KIAA0825: variants seen among roughly 807,000 people sequenced by gnomAD.
KIAA0825 encodes the protein uncharacterized protein KIAA0825.
Under a neutral mutation model 147.6 loss-of-function variants are expected in KIAA0825, and 119 were observed. That is an observed-to-expected ratio of 0.81 (90% CI 0.69 to 0.94). KIAA0825 has a LOEUF of 0.94. Among genes scored for constraint, KIAA0825 ranks in the 40% least tolerant of loss-of-function variants. The probability of loss-of-function intolerance (pLI) is 0.00; values close to 1 mark genes in which losing one functional copy is unlikely to be tolerated. For missense variants in KIAA0825, 1,381 were observed against 1,472.7 expected, an observed-to-expected ratio of 0.94 and a Z score of 1.02; for synonymous variants, 470 against 518.1, an observed-to-expected ratio of 0.91 and a Z score of 1.26.
intron 20 of KIAA0825, among the ~76,000 whole-genome samples, chr5:94,223,734 GTCT>G (rs1217909427): frequency 6.6e-6 from 1 of 152,100 alleles, no homozygotes; most frequent in African/African-American, 2.4e-5. Context: ...CATTAAAGAT[GTCT>G]TCTTTAATAA....
intron 20 of KIAA0825, among the ~76,000 whole-genome samples, chr5:94,290,965 C>G (rs1291312112): frequency 2.0e-5 from 3 of 152,154 alleles, no homozygotes; most frequent in African/African-American, 7.2e-5. Context: ...CCTTTGCCCA[C>G]TTTTTGATAC....
chr5:94,591,224 G>A (rs1784294500), intron 1 of KIAA0825, among the ~76,000 whole-genome samples: 1 of 152,124 alleles, frequency 6.6e-6, no homozygotes. Context: ...TATGCAAAGA[G>A]GACTGTAATT....
chr5:94,539,026 A>G (rs1772710962), intron 2 of KIAA0825, among the ~76,000 whole-genome samples: 1 of 152,222 alleles, frequency 6.6e-6, no homozygotes, highest in Non-Finnish European at 1.5e-5. Flanking sequence ...ATTCTAAGTC[A>G]CAGGATGAGA....
At chr5:94,291,593 C>A (rs552872963) in intron 20 of KIAA0825, among the ~76,000 whole-genome samples, 1 of 152,050 alleles carries the variant, frequency 6.6e-6, no homozygotes, top group African/African-American at 2.4e-5. Context: ...CTTGGCTATA[C>A]GGGCTCTTTT....
chr5:94,194,700 C>T (rs1235804384), intron 20 of KIAA0825, among the ~76,000 whole-genome samples: 1 of 152,214 alleles, frequency 6.6e-6, no homozygotes, highest in Non-Finnish European at 1.5e-5. Flanking sequence ...ATCAAGATTA[C>T]ATCTTCTCAT....
At chr5:94,504,618 G>GTA (rs955666199) in intron 5 of KIAA0825, among the ~76,000 whole-genome samples, 17 of 151,960 alleles carry the variant, frequency 1.1e-4, no homozygotes, top group African/African-American at 3.9e-4. Flanking sequence ...TTGAAAAAAA[G>GTA]TATATATATG....
chr5:94,391,729 G>A lies in KIAA0825; in HGVS notation c.3297-35C>T, dbSNP rs1437606884. 9.0e-6 allele frequency: 13 copies of A among 1,450,138 alleles called. No individual in the cohort carries two copies. The East Asian group carries it at 3.3e-4, about 36-fold the overall frequency. The allele number at this position is 1,450,138 out of a possible 1,614,324, so 89.8% of individuals were successfully genotyped here. ...AAGAAAGCATATACATATCAGTAGT[G>A]AAGAATTGTAAAGATGGAGAGTAAT... On this transcript the variant is annotated intron_variant, in intron 17 of 20. Coordinates refer to ENST00000682413, the MANE Select transcript of KIAA0825 (RefSeq NM_001145678.3).
At chr5:94,610,689 G>C (rs1233376995) in intron 1 of KIAA0825, among the ~76,000 whole-genome samples, 3 of 146,522 alleles carry the variant, frequency 2.0e-5, no homozygotes, top group Non-Finnish European at 4.5e-5. Context: ...GCTTGAACCT[G>C]GGAGGCGGAG....
At chr5:94,160,247 G>T (rs1767424169) in intron 20 of KIAA0825, among the ~76,000 whole-genome samples, 1 of 151,898 alleles carries the variant, frequency 6.6e-6, no homozygotes, top group Admixed American at 6.6e-5. Flanking sequence ...ATTCAGCTCT[G>T]TCCCAAGCTG....
intron 18 of KIAA0825, among the ~76,000 whole-genome samples, chr5:94,388,644 T>A (rs766424854): frequency 1.8e-4 from 27 of 152,318 alleles, no homozygotes; most frequent in Non-Finnish European, 2.2e-4. Context: ...TTTCCACTAT[T>A]CAAAAAAGAG....
At chr5:94,181,190 C>T (rs898461369) in intron 20 of KIAA0825, among the ~76,000 whole-genome samples, 1 of 152,130 alleles carries the variant, frequency 6.6e-6, no homozygotes, top group Non-Finnish European at 1.5e-5. Flanking sequence ...CAAGGTATTT[C>T]CATTAAGGAA....
At chr5:94,505,843 G>A (rs566469703) in intron 5 of KIAA0825, among the ~76,000 whole-genome samples, 7 of 152,094 alleles carry the variant, frequency 4.6e-5, no homozygotes, top group South Asian at 2.1e-4. Context: ...TGAGTCATTC[G>A]ATCTCATGAC....
At chr5:94,436,051 A>G (rs1444944635) in intron 14 of KIAA0825, among the ~76,000 whole-genome samples, 3 of 152,174 alleles carry the variant, frequency 2.0e-5, no homozygotes, top group Admixed American at 1.3e-4. Flanking sequence ...ATAGTTTGCA[A>G]AATTTTTTTC....
intron 1 of KIAA0825, chr5:94,592,927 G>T: frequency 3.5e-6 from 2 of 568,628 alleles, no homozygotes; most frequent in South Asian, 3.4e-5. Flanking sequence ...GCAAATATTT[G>T]ATTTTATTGA....
intron 20 of KIAA0825, among the ~76,000 whole-genome samples, chr5:94,232,282 G>A (rs1464140937): frequency 1.3e-5 from 2 of 152,052 alleles, no homozygotes; most frequent in Non-Finnish European, 2.9e-5. Flanking sequence ...ATACCTTTGT[G>A]AGGCTATATT....
intron 2 of KIAA0825, among the ~76,000 whole-genome samples, chr5:94,561,827 C>G (rs888857825): frequency 2.0e-5 from 3 of 152,160 alleles, no homozygotes; most frequent in Non-Finnish European, 4.4e-5. Flanking sequence ...TTCCTCTACA[C>G]TAATAATGTT....
intron 20 of KIAA0825, among the ~76,000 whole-genome samples, chr5:94,343,884 A>G (rs571672499): frequency 6.6e-6 from 1 of 152,330 alleles, no homozygotes; most frequent in East Asian, 1.9e-4. Context: ...GAAAGAGACT[A>G]TCCAAATGCT....
intron 20 of KIAA0825, among the ~76,000 whole-genome samples, chr5:94,277,134 G>A (rs2150150081): frequency 6.6e-6 from 1 of 152,176 alleles, no homozygotes; most frequent in Admixed American, 6.5e-5. Flanking sequence ...AGTCTCATTT[G>A]ATACTCTGTT....
intron 15 of KIAA0825, among the ~76,000 whole-genome samples, chr5:94,408,595 A>G (rs1043357470): frequency 1.3e-5 from 2 of 151,176 alleles, no homozygotes; most frequent in African/African-American, 2.4e-5. Context: ...CTGGTCTTGA[A>G]CTCCCAACCT....
Sources: allele counts gnomAD v4.1 joint callset (sites outside exome capture counted in the v4.1 genomes callset), GRCh38; gene constraint gnomAD v4.1.1; transcripts MANE v1.5; gene names NCBI Gene and HGNC (gene_info 2026-07-23, HGNC 2026-07-21).